PPP2R2B: variants seen among roughly 807,000 people sequenced by gnomAD.
PPP2R2B encodes the protein protein phosphatase 2 regulatory subunit Bbeta, also known as serine/threonine-protein phosphatase 2A 55 kDa regulatory subunit B beta isoform.
Under a neutral mutation model 46.0 loss-of-function variants are expected in PPP2R2B, and 5 were observed. The observed-to-expected ratio is 0.11, with a 90% CI of 0.06 to 0.23. The LOEUF (loss-of-function observed/expected upper bound fraction) is 0.23. PPP2R2B is among the 10% of genes least tolerant of loss of function. PPP2R2B has a pLI of 1.00. For synonymous variants in PPP2R2B, 215 were observed against 206.7 expected, an observed-to-expected ratio of 1.04 and a Z score of -0.34; for missense variants, 367 against 575.0, an observed-to-expected ratio of 0.64 and a Z score of 3.70.
intron 2 of PPP2R2B, among the ~76,000 whole-genome samples, chr5:146,707,761 T>A (rs1289010195): frequency 1.3e-5 from 2 of 152,346 alleles, no homozygotes; most frequent in Admixed American, 1.3e-4. Context: ...AATATAAAAC[T>A]AAGTTTCCTT....
chr5:147,026,994 C>T lies in PPP2R2B; in HGVS notation c.79+28671G>A, dbSNP rs139671553. Among the ~76,000 whole-genome samples the T allele has an allele frequency of 3.3e-4, 50 of 152,218 alleles. 1 individual carries two copies. Among genetic ancestry groups the T allele is most frequent in the East Asian group, 3.1e-3 (16 of 5,170 alleles). Reference sequence around the variant, plus strand: ...AAAAAGCTTTCTAAAACACAGTTCCCGGTAGCTTTTTTCATAATAGAAACT... The same window carrying T: ...AAAAAGCTTTCTAAAACACAGTTCCTGGTAGCTTTTTTCATAATAGAAACT... On this transcript the variant is annotated intron_variant, in intron 1 of 8. Coordinates refer to the PPP2R2B transcript ENST00000336640.
At chr5:146,890,927 C>T (rs921526179) in intron 1 of PPP2R2B, among the ~76,000 whole-genome samples, 15 of 152,204 alleles carry the variant, frequency 9.9e-5, no homozygotes, top group African/African-American at 3.6e-4. Context: ...CTTCCAAATG[C>T]TGACTCATTA....
intron 1 of PPP2R2B, among the ~76,000 whole-genome samples, chr5:146,952,198 G>T (rs184522672): frequency 2.8e-4 from 42 of 151,938 alleles, no homozygotes; most frequent in African/African-American, 9.9e-4. Context: ...TTGCCCTGTT[G>T]ATTTTTTAAA....
At chr5:146,750,157 CTCTA>C (rs1447824248) in intron 2 of PPP2R2B, among the ~76,000 whole-genome samples, 3 of 152,156 alleles carry the variant, frequency 2.0e-5, no homozygotes, top group African/African-American at 4.8e-5. Context: ...TGATCTATGC[CTCTA>C]TCTGTCTGTT....
At chr5:147,070,165 C>T (rs1001440769) in intron 2 of PPP2R2B, among the ~76,000 whole-genome samples, 2 of 151,990 alleles carry the variant, frequency 1.3e-5, no homozygotes, top group Admixed American at 6.6e-5. Context: ...TTCCATTGTC[C>T]ACCTCTGCAC....
At chr5:146,767,918 A>G (rs1359753198) in intron 2 of PPP2R2B, among the ~76,000 whole-genome samples, 1 of 152,184 alleles carries the variant, frequency 6.6e-6, no homozygotes, top group Non-Finnish European at 1.5e-5. Context: ...AAACCCTGGC[A>G]ACTGCTGATC....
At chr5:146,978,908 C>A (rs1348425946) in intron 1 of PPP2R2B, among the ~76,000 whole-genome samples, 1 of 152,132 alleles carries the variant, frequency 6.6e-6, no homozygotes, top group Non-Finnish European at 1.5e-5. Flanking sequence ...GCATTAACTT[C>A]ATCCCTGTAA....
At chr5:146,830,155 T>C (rs907324961) in intron 2 of PPP2R2B, among the ~76,000 whole-genome samples, 3 of 152,222 alleles carry the variant, frequency 2.0e-5, no homozygotes, top group African/African-American at 7.2e-5. Context: ...GTAAAGTGCT[T>C]CTAATATTAG....
intron 2 of PPP2R2B, among the ~76,000 whole-genome samples, chr5:146,731,475 A>G (rs576206647): frequency 3.3e-5 from 5 of 152,216 alleles, no homozygotes; most frequent in Non-Finnish European, 7.3e-5. Context: ...GAGAAGGCCA[A>G]CTTGCATTTC....
intron 7 of PPP2R2B, among the ~76,000 whole-genome samples, chr5:146,636,228 G>T (rs981789508): frequency 6.6e-6 from 1 of 152,136 alleles, no homozygotes; most frequent in Non-Finnish European, 1.5e-5. Context: ...TCCAACCGGG[G>T]TACCTGTATA....
At chr5:146,860,035 A>G (rs1760893149) in intron 2 of PPP2R2B, among the ~76,000 whole-genome samples, 1 of 152,218 alleles carries the variant, frequency 6.6e-6, no homozygotes, top group Non-Finnish European at 1.5e-5. Flanking sequence ...CAAAAACACA[A>G]AAATCAGGAA....
chr5:147,027,520 C>A (rs559033398), intron 1 of PPP2R2B, among the ~76,000 whole-genome samples: 1 of 151,732 alleles, frequency 6.6e-6, no homozygotes, highest in African/African-American at 2.4e-5. Flanking sequence ...GCAATCCCAG[C>A]TACTTTGGAG....
chr5:146,802,738 T>C (rs1756937821), intron 2 of PPP2R2B, among the ~76,000 whole-genome samples: 2 of 152,280 alleles, frequency 1.3e-5, no homozygotes, highest in East Asian at 1.9e-4. Context: ...CTCCATATCA[T>C]GGTGGGGATG....
chr5:146,632,432 AGC>A, intron 7 of PPP2R2B, among the ~76,000 whole-genome samples: 1 of 152,302 alleles, frequency 6.6e-6, no homozygotes, highest in East Asian at 1.9e-4. Context: ...TTGTTGCAGC[AGC>A]CCTGGTAAAC....
At chr5:146,845,406 T>A (rs905403079) in intron 2 of PPP2R2B, among the ~76,000 whole-genome samples, 1 of 151,022 alleles carries the variant, frequency 6.6e-6, no homozygotes, top group African/African-American at 2.4e-5. Flanking sequence ...CCCAGGTTCA[T>A]GCCTGGCTAA....
intron 5 of PPP2R2B, among the ~76,000 whole-genome samples, chr5:146,685,734 G>T (rs1437621684): frequency 1.3e-5 from 2 of 152,176 alleles, no homozygotes; most frequent in African/African-American, 4.8e-5. Context: ...TAGTTCTGGA[G>T]ATTCATGAGA....
At chr5:146,677,423 C>G (rs1777806456) in intron 5 of PPP2R2B, among the ~76,000 whole-genome samples, 1 of 152,008 alleles carries the variant, frequency 6.6e-6, no homozygotes, top group Admixed American at 6.6e-5. Context: ...CATGCCGTCA[C>G]CATTTTTTTT....
At position 146,706,694 on chromosome 5, in the gene PPP2R2B, G is replaced by A. The variant is rs555701596; in HGVS notation, c.71-5552C>T. 15 of 872,820 alleles carry A rather than the reference G, an allele frequency of 1.7e-5. No homozygotes were observed. The East Asian group carries it at 3.5e-4, about 21-fold the overall frequency. 54.1% of individuals were successfully genotyped at this position (872,820 alleles called of 1,614,324 possible). A position where few individuals can be genotyped will look rare whatever the true frequency, so the allele number is the denominator to read the frequency against. ...CAGCCTGGAGCCAGCTGATGTTCCG[G>A]TTCATCTCAGAGATCTCAGTCTTTG... On this transcript the variant is annotated intron_variant, in intron 2 of 9. Transcript: ENST00000394411.
At chr5:146,943,272 A>G (rs1561533191) in intron 1 of PPP2R2B, among the ~76,000 whole-genome samples, 1 of 152,138 alleles carries the variant, frequency 6.6e-6, no homozygotes. Context: ...GTGAATGGGA[A>G]ATTTAGTGTG....
Sources: gnomAD v4.1 joint callset for allele counts (sites outside exome capture counted in the v4.1 genomes callset) on GRCh38, gnomAD v4.1.1 for gene constraint, MANE v1.5 for transcripts, NCBI Gene and HGNC (gene_info 2026-07-23, HGNC 2026-07-21) for gene names.